Variants in DYNLT5 observed in about 807,000 individuals in gnomAD.
The protein encoded by DYNLT5 is dynein light chain Tctex-type 5.
A neutral mutation model predicts 19.3 loss-of-function variants in DYNLT5; 25 were observed. The ratio of observed to expected loss-of-function variants is 1.30; its 90% CI spans 0.95 to 1.81. The LOEUF (loss-of-function observed/expected upper bound fraction) is 1.81, where lower values mean the gene tolerates loss of function less well. Ranked by LOEUF, DYNLT5 falls within the 40% of genes most tolerant of loss-of-function variation. The probability of loss-of-function intolerance (pLI) is 0.00; values close to 1 mark genes in which losing one functional copy is unlikely to be tolerated. For synonymous variants in DYNLT5, 82 were observed against 68.9 expected (o/e 1.19, Z -0.94); for missense variants, 232 against 217.9 (o/e 1.06, Z -0.41).
chr1:66,759,943 A>T (rs186889898), intron 2 of DYNLT5, among the ~76,000 whole-genome samples: 1 of 152,066 alleles, frequency 6.6e-6, no homozygotes, highest in Non-Finnish European at 1.5e-5. Flanking sequence ...ACTTGTCTCT[A>T]TGCATTTTCT....
intron 2 of DYNLT5, among the ~76,000 whole-genome samples, chr1:66,770,026 T>C (rs1645194241): frequency 6.6e-6 from 1 of 152,150 alleles, no homozygotes; most frequent in South Asian, 2.1e-4. Context: ...TTATCTACTT[T>C]GAGGAGAGGC....
Position 66,777,475 on chromosome 1 carries a change from T to A in DYNLT5, c.*21T>A. The A allele has an allele frequency of 6.2e-7, 1 of 1,603,776 alleles. No homozygotes were observed. On this transcript the variant is annotated 3_prime_UTR_variant, in exon 5 of 5. Transcript: ENST00000282670. ...AGTGATTGAAAATAAGAAATCTAGCTCTTACTTTTGAAAATTCTGAGGCAG... is the reference window on the plus strand; with the variant it reads ...AGTGATTGAAAATAAGAAATCTAGCACTTACTTTTGAAAATTCTGAGGCAG...
rs1645198842 is a variant in DYNLT5 at position 66,770,727 on chromosome 1, A to G, written c.211+249A>G. ...TTCACTGGGTGGCACTGATGCATAC[A>G]GTATACTACTGACTTAACAAATTCA... is the stretch of plus-strand genomic sequence containing the variant. On this transcript the variant is annotated intron_variant, in intron 3 of 4. Coordinates refer to ENST00000282670, the MANE Select transcript of DYNLT5 (RefSeq NM_152665.3). 8 of 562,610 alleles carry G rather than the reference A, an allele frequency of 1.4e-5. No individual in the cohort carries two copies. The South Asian group carries it at 1.4e-4, about 10-fold the overall frequency. The allele number at this position is 562,610 out of a possible 1,614,324, so 34.9% of individuals were successfully genotyped here.
chr1:66,757,268 TC>T (rs2094637597), intron 2 of DYNLT5, among the ~76,000 whole-genome samples: 1 of 152,154 alleles, frequency 6.6e-6, no homozygotes, highest in African/African-American at 2.4e-5. Context: ...TCTACAGTCT[TC>T]CACAGTTGTA....
chr1:66,753,420 A>T (rs2094630681), intron 1 of DYNLT5, among the ~76,000 whole-genome samples: 2 of 152,216 alleles, frequency 1.3e-5, no homozygotes, highest in Non-Finnish European at 2.9e-5. Flanking sequence ...GTTATAGTCC[A>T]AGTTCTGGGA....
At position 66,777,289 on chromosome 1, in the gene DYNLT5, G is replaced by A; in HGVS notation, c.375G>A (p.Arg125=). Residue 125 remains arginine, a synonymous_variant, in exon 5 of 5, where the codon CGG becomes CGA. Coordinates refer to ENST00000282670, the MANE Select transcript of DYNLT5 (RefSeq NM_152665.3). ...AGGTCAAGGACTTGATGATTCCACG[G>A]TATAAACTAATTGTGATTGTTCACA... is the stretch of plus-strand genomic sequence containing the variant. ...KAQVKDLMIP[R]YKLIVIVHIG... is the part of the protein sequence containing the mutation. 2 of 1,613,646 alleles carry A rather than the reference G, an allele frequency of 1.2e-6. No individual in the cohort carries two copies. The highest frequency in any genetic ancestry group is 8.5e-7 in the Non-Finnish European group (1 of 1,179,750).
chr1:66,774,374 G>A (rs536954924), intron 3 of DYNLT5, among the ~76,000 whole-genome samples: 2 of 149,858 alleles, frequency 1.3e-5, no homozygotes, highest in East Asian at 2.0e-4. Context: ...GCTTGGGTTC[G>A]CAGGAGATGA....
chr1:66,763,155 T>C (rs2094648845), intron 2 of DYNLT5, among the ~76,000 whole-genome samples: 1 of 152,232 alleles, frequency 6.6e-6, no homozygotes, highest in African/African-American at 2.4e-5. Context: ...GGTGACCAGG[T>C]GCATTGTCAA....
intron 3 of DYNLT5, among the ~76,000 whole-genome samples, chr1:66,772,956 T>C (rs1459189770): frequency 6.6e-6 from 1 of 152,194 alleles, no homozygotes; most frequent in Non-Finnish European, 1.5e-5. Flanking sequence ...GTGTCTTCAC[T>C]TGTAAATAGG....
chr1:66,769,592 T>G (rs1279801451), intron 2 of DYNLT5, among the ~76,000 whole-genome samples: 2 of 151,994 alleles, frequency 1.3e-5, no homozygotes, highest in African/African-American at 4.8e-5. Context: ...AAATGACATC[T>G]GTCTTAAAGT....
At chr1:66,767,509 C>T (rs570445367) in intron 2 of DYNLT5, among the ~76,000 whole-genome samples, 9 of 152,264 alleles carry the variant, frequency 5.9e-5, no homozygotes, top group Non-Finnish European at 1.0e-4. Context: ...CTGCCCACTT[C>T]GGCCTCCCAA....
rs1645203169 is a variant in DYNLT5 at position 66,771,319 on chromosome 1, C to T, written c.211+841C>T. Among the ~76,000 whole-genome samples, 3 of 152,186 alleles carry T rather than the reference C, an allele frequency of 2.0e-5. No individual in the cohort carries two copies. In the South Asian group the frequency reaches 6.2e-4, roughly 32 times the overall value. ...TGTGGTGGACAGCTAATATTCCTGC[C>T]ATCCAATATACTTTTATACTTCTCT... On this transcript the variant is annotated intron_variant, in intron 3 of 4. Coordinates refer to ENST00000282670, the MANE Select transcript of DYNLT5 (RefSeq NM_152665.3).
At position 66,778,883 on chromosome 1, in the gene DYNLT5, A is replaced by G. The variant is rs577408621; in HGVS notation, c.*1429A>G. 3.0e-4 allele frequency: 45 copies of G among 152,300 alleles called. No homozygotes were observed. Among genetic ancestry groups the G allele is most frequent in the Non-Finnish European group, 5.7e-4 (39 of 68,028 alleles). 9.4% of individuals were successfully genotyped at this position (152,300 alleles called of 1,614,324 possible). ...ACAACCAATATTTGTCAATCTCCAT[A>G]GAACAGTTTTCAATCTGGATTAGAT... On this transcript the variant is annotated 3_prime_UTR_variant, in exon 5 of 5. Coordinates refer to ENST00000282670, the MANE Select transcript of DYNLT5 (RefSeq NM_152665.3).
intron 2 of DYNLT5, among the ~76,000 whole-genome samples, chr1:66,767,436 T>A (rs1327160042): frequency 6.6e-6 from 1 of 152,046 alleles, no homozygotes; most frequent in Non-Finnish European, 1.5e-5. Flanking sequence ...AAAATATATT[T>A]TAGTAGAGAT....
intron 3 of DYNLT5, chr1:66,770,824 C>T: frequency 6.3e-6 from 2 of 318,026 alleles, no homozygotes; most frequent in Non-Finnish European, 1.2e-5. Flanking sequence ...CCAACAAAAC[C>T]AATCAGTGTT....
At chr1:66,775,316 G>C (rs1645227998) in intron 3 of DYNLT5, 3 of 152,216 alleles carry the variant, frequency 2.0e-5, no homozygotes, top group Admixed American at 1.3e-4. Flanking sequence ...ATTCACCTCA[G>C]AGATCTATTG....
At chr1:66,774,701 G>A (rs1314992196) in intron 3 of DYNLT5, among the ~76,000 whole-genome samples, 7 of 150,054 alleles carry the variant, frequency 4.7e-5, no homozygotes, top group Non-Finnish European at 4.5e-5. Context: ...GCTCCCAAGG[G>A]AGCCCTCTCC....
intron 2 of DYNLT5, among the ~76,000 whole-genome samples, chr1:66,758,824 A>G (rs113837159): frequency 2.6e-5 from 4 of 152,308 alleles, no homozygotes; most frequent in African/African-American, 7.2e-5. Flanking sequence ...AATTTATTCT[A>G]TCATTCAATC....
chr1:66,752,784 T>C lies in DYNLT5; in HGVS notation c.-4+200T>C, dbSNP rs118147449. Among the ~76,000 whole-genome samples the C allele has an allele frequency of 1.6e-3, 250 of 152,294 alleles. 8 individuals carry two copies. The East Asian group carries it at 0.043, about 26-fold the overall frequency. On this transcript the variant is annotated intron_variant, in intron 1 of 4. Transcript: ENST00000282670. ...CCCAACGGTTCGTCCCCTGCCCCAT[T>C]GCATGGCTGGGGGCTGGGCTTCAAG...
Sources: gnomAD v4.1 joint callset for allele counts (sites outside exome capture counted in the v4.1 genomes callset) on GRCh38, gnomAD v4.1.1 for gene constraint, MANE v1.5 for transcripts, NCBI Gene and HGNC (gene_info 2026-07-23, HGNC 2026-07-21) for gene names.